The following NCOR2 variants were observed in gnomAD, a reference collection of about 807,000 sequenced individuals.
NCOR2 encodes the protein nuclear receptor corepressor 2.
A neutral mutation model predicts 262.9 loss-of-function variants in NCOR2; 81 were observed. That is an observed-to-expected ratio of 0.31 (90% CI 0.26 to 0.37). The LOEUF (loss-of-function observed/expected upper bound fraction) is 0.37. Ranked by LOEUF, NCOR2 falls within the 10% of genes least tolerant of loss-of-function variation. The pLI, the probability that NCOR2 is intolerant of heterozygous loss-of-function variation, is 1.00. For synonymous variants in NCOR2, 1,659 were observed against 1,559.3 expected (o/e 1.06, Z -1.51); for missense variants, 3,385 against 3,621.4 (o/e 0.93, Z 1.68).
At chr12:124,325,783 G>A (rs11057583) in intron 46 of NCOR2, among the ~76,000 whole-genome samples, 200 bp from the exon 49 acceptor site, 20,536 of 152,106 alleles carry the variant, frequency 0.14, 1,646 homozygotes, top group East Asian at 0.41. Flanking sequence ...ACACCCTGCC[G>A]CTGTCTTTTG....
chr12:124,384,233 C>G (rs554321734), intron 17 of NCOR2, among the ~76,000 whole-genome samples: 1 of 152,356 alleles, frequency 6.6e-6, no homozygotes, highest in South Asian at 2.1e-4. Flanking sequence ...TTCTGCGCCC[C>G]CAGGCTGCTC....
intron 33 of NCOR2, 85 bp downstream of exon 35, chr12:124,342,920 C>T: frequency 1.4e-6 from 2 of 1,451,550 alleles, no homozygotes; most frequent in East Asian, 4.8e-5. Context: ...CAGTTGATGC[C>T]TAAGGAGTCC....
chr12:124,362,103 C>T (rs759572185), intron 22 of NCOR2, 23 bp downstream of exon 24: 39 of 1,281,994 alleles, frequency 3.0e-5, no homozygotes, highest in Non-Finnish European at 3.5e-5. Flanking sequence ...CCCAGCCCCA[C>T]TCAGCCACTG....
chr12:124,325,992 G>T (rs2034602852), intron 46 of NCOR2, 199 bp downstream of exon 48: 2 of 557,654 alleles, frequency 3.6e-6, no homozygotes, highest in Non-Finnish European at 5.7e-6. Flanking sequence ...CTTTTCCTCT[G>T]CCTGTGCCCC....
intron 9 of NCOR2, 94 bp downstream of exon 11, chr12:124,430,521 T>G: frequency 2.0e-6 from 3 of 1,464,468 alleles, no homozygotes; most frequent in Non-Finnish European, 1.8e-6. Context: ...TGCTGTGCTG[T>G]TCTGTTCCTT....
At chr12:124,392,562 C>T (rs1000365541) in intron 16 of NCOR2, among the ~76,000 whole-genome samples, 3 of 152,190 alleles carry the variant, frequency 2.0e-5, no homozygotes, top group African/African-American at 7.2e-5. Context: ...AGTAGCCGGG[C>T]AGACCCAAAC....
chr12:124,422,198 C>T (rs531161708), intron 12 of NCOR2, among the ~76,000 whole-genome samples: 5 of 152,362 alleles, frequency 3.3e-5, no homozygotes, highest in South Asian at 4.1e-4. Flanking sequence ...GCAGGAGACC[C>T]GTCGGGCACA....
intron 1 of NCOR2, among the ~76,000 whole-genome samples, chr12:124,506,607 C>T (rs141981955): frequency 3.3e-5 from 5 of 152,272 alleles, no homozygotes; most frequent in South Asian, 2.1e-4. Flanking sequence ...GAGCGGCCCT[C>T]CCCACTTGCG....
chr12:124,565,380 C>T (rs940524698), intron 1 of NCOR2, among the ~76,000 whole-genome samples: 1 of 152,160 alleles, frequency 6.6e-6, no homozygotes, highest in African/African-American at 2.4e-5. Flanking sequence ...CCCTGGCAGC[C>T]GCGCTGCCGA....
At chr12:124,419,565 A>T (rs1259671252) in intron 13 of NCOR2, among the ~76,000 whole-genome samples, 2 of 152,192 alleles carry the variant, frequency 1.3e-5, no homozygotes, top group East Asian at 1.9e-4. Flanking sequence ...AACCATTAAC[A>T]TTTTAAACAT....
rs1350900326 is a variant in NCOR2, at chr12:124,481,635, G to T, written c.411+1961C>A. ...GAGGAACTCCAGGGTGGCCTGGGAG[G>T]CTGTACGTGAGCGGTTGAGAGGGCT... On this transcript the variant is annotated intron_variant, in intron 3 of 46. Coordinates refer to ENST00000405201, the Ensembl canonical transcript of NCOR2. This position sits in a 1 kb window ranked among gnomAD's most constrained non-coding sequence, Gnocchi z 4.6. 6.6e-6 allele frequency among the ~76,000 whole-genome samples: 1 copy of T among 152,176 alleles called. No individual in the cohort carries two copies. The highest frequency in any genetic ancestry group is 6.5e-5 in the Admixed American group (1 of 15,288).
At chr12:124,427,159 G>A (rs1322124115) in intron 10 of NCOR2, among the ~76,000 whole-genome samples, 1 of 152,188 alleles carries the variant, frequency 6.6e-6, no homozygotes, top group East Asian at 1.9e-4. Flanking sequence ...GAGCCCGGGA[G>A]ACAGGCTGGC....
chr12:124,354,377 T>C, intron 26 of NCOR2, 101 bp downstream of exon 28: 1 of 1,251,148 alleles, frequency 8.0e-7, no homozygotes, highest in Non-Finnish European at 1.1e-6. Context: ...CCCCAGACCC[T>C]CTGGGAGATG....
At chr12:124,422,552 G>T in exon 12 of NCOR2, 1 of 1,614,008 alleles carries the variant, frequency 6.2e-7, no homozygotes. Context: ...GATGCTGCAT[G>T]AACCTGCGGG....
Position 124,558,804 on chromosome 12 carries a change from G to A in NCOR2, c.-165+8504C>T, listed in dbSNP as rs148461276. Among the ~76,000 whole-genome samples, 470 of 152,220 alleles carry A rather than the reference G, an allele frequency of 3.1e-3. 5 individuals are homozygous for A. Among genetic ancestry groups the A allele is most frequent in the South Asian group, 0.015 (72 of 4,822 alleles). On this transcript the variant is annotated intron_variant, in intron 1 of 32. Coordinates refer to the NCOR2 transcript ENST00000458234. ...TGCAGGGACAATTGCACCCCAACGG[G>A]CCCCTGAATGCCCTTCACTTCACAG...
At chr12:124,494,361 T>C (rs996371271) in intron 1 of NCOR2, among the ~76,000 whole-genome samples, 1 of 152,158 alleles carries the variant, frequency 6.6e-6, no homozygotes. Flanking sequence ...TGAAAGCCGC[T>C]TGGCAAACAC....
At chr12:124,355,007 C>T (rs150082761) in intron 24 of NCOR2, 68 bp from the exon 27 acceptor site, 17,776 of 1,366,664 alleles carry the variant, frequency 0.013, 168 homozygotes, top group Middle Eastern at 0.059. Context: ...GAGTGCCTGA[C>T]GCTCCTGTTC....
intron 1 of NCOR2, among the ~76,000 whole-genome samples, chr12:124,519,097 C>CACAT (rs370255153): frequency 0.012 from 1,702 of 146,850 alleles, 44 homozygotes; most frequent in African/African-American, 0.039. Context: ...AATACACACA[C>CACAT]ACACACACAC....
Position 124,390,575 on chromosome 12 carries a change from T to C in NCOR2, c.1877-4688A>G, listed in dbSNP as rs376357814. 4.9e-4 allele frequency among the ~76,000 whole-genome samples: 74 copies of C among 151,324 alleles called. 1 individual carries two copies. The highest frequency in any genetic ancestry group is 1.3e-3 in the Admixed American group (19 of 15,182). ...CCTCGTCCCACTGCTCATCGGCAGGTGTCCGGGGCCTGCTGAGCACCCTGG... is the reference window on the plus strand; with the variant it reads ...CCTCGTCCCACTGCTCATCGGCAGGCGTCCGGGGCCTGCTGAGCACCCTGG... On this transcript the variant is annotated intron_variant, in intron 16 of 46. Transcript: ENST00000405201.
Sources: allele counts gnomAD v4.1 joint callset (sites outside exome capture counted in the v4.1 genomes callset), GRCh38; gene constraint gnomAD v4.1.1; non-coding constraint Gnocchi (gnomAD v3.1); transcripts MANE v1.5; gene names NCBI Gene and HGNC (gene_info 2026-07-23, HGNC 2026-07-21).